PLB1: variants seen among roughly 807,000 people sequenced by gnomAD.
The protein encoded by PLB1 is phospholipase B1, membrane-associated.
Under a neutral mutation model 227.4 loss-of-function variants are expected in PLB1, and 242 were observed. The observed-to-expected ratio is 1.06, with a 90% CI of 0.96 to 1.18. The LOEUF (loss-of-function observed/expected upper bound fraction) is 1.18, where lower values mean the gene tolerates loss of function less well. Among genes scored for constraint, PLB1 ranks in the 50% most tolerant of loss-of-function variants. The probability of loss-of-function intolerance (pLI) is 0.00; values close to 1 mark genes in which losing one functional copy is unlikely to be tolerated. For synonymous variants in PLB1, 757 were observed against 682.2 expected (o/e 1.11, Z -1.71); for missense variants, 1,858 against 1,816.3 (o/e 1.02, Z -0.42).
intron 44 of PLB1, among the ~76,000 whole-genome samples, chr2:28,617,504 G>A (rs754415049): frequency 6.6e-6 from 1 of 152,208 alleles, no homozygotes; most frequent in Non-Finnish European, 1.5e-5. Context: ...GTGGAGACAT[G>A]CACTATGGGT....
intron 26 of PLB1, 33 bp from the exon 27 acceptor site, chr2:28,589,417 C>A: frequency 6.5e-7 from 1 of 1,541,390 alleles, no homozygotes; most frequent in East Asian, 2.2e-5. Context: ...GCAGAGAGGA[C>A]TGCCTGACAT....
chr2:28,510,485 A>G (rs1264927666), intron 1 of PLB1, among the ~76,000 whole-genome samples: 1 of 152,146 alleles, frequency 6.6e-6, no homozygotes, highest in Non-Finnish European at 1.5e-5. Context: ...CCCACTTGGC[A>G]TCCAACCTAT....
At chr2:28,514,022 ATCT>A (rs1180930243) in intron 1 of PLB1, among the ~76,000 whole-genome samples, 2 of 152,236 alleles carry the variant, frequency 1.3e-5, no homozygotes, top group Admixed American at 6.5e-5. Context: ...ACTGGGTTAG[ATCT>A]TCTGCTTATT....
chr2:28,521,733 C>T (rs558126367), intron 4 of PLB1, among the ~76,000 whole-genome samples: 1 of 152,230 alleles, frequency 6.6e-6, no homozygotes. Flanking sequence ...CACAGCCCCT[C>T]TCCTGGTCTT....
At chr2:28,535,449 C>A (rs138414332) in intron 9 of PLB1, among the ~76,000 whole-genome samples, 148 of 152,350 alleles carry the variant, frequency 9.7e-4, no homozygotes, top group African/African-American at 3.5e-3. Context: ...CTGGTGTTGC[C>A]CTTCTCACAG....
chr2:28,540,340 C>T (rs372009757), intron 11 of PLB1, 26 bp from the exon 12 acceptor site: 15 of 1,606,218 alleles, frequency 9.3e-6, no homozygotes, highest in African/African-American at 1.3e-5. Context: ...TCCCCTCTCT[C>T]ATTCCTGGTG....
intron 1 of PLB1, among the ~76,000 whole-genome samples, chr2:28,501,908 C>A (rs1303600281): frequency 2.6e-5 from 4 of 152,144 alleles, no homozygotes; most frequent in African/African-American, 9.7e-5. Context: ...ATTACAAATA[C>A]TACTGTCATG....
intron 14 of PLB1, among the ~76,000 whole-genome samples, chr2:28,544,348 G>A (rs1489571454): frequency 1.3e-5 from 2 of 152,230 alleles, no homozygotes; most frequent in Non-Finnish European, 2.9e-5. Flanking sequence ...CTCCAGCAGG[G>A]ACTGCTCTCC....
intron 44 of PLB1, among the ~76,000 whole-genome samples, chr2:28,614,367 C>G (rs992877393): frequency 6.6e-6 from 1 of 152,146 alleles, no homozygotes; most frequent in African/African-American, 2.4e-5. Flanking sequence ...GGCTCACAGA[C>G]GTGGTTACTG....
intron 21 of PLB1, among the ~76,000 whole-genome samples, chr2:28,577,580 C>T (rs929880648): frequency 3.3e-5 from 5 of 152,194 alleles, no homozygotes; most frequent in East Asian, 1.9e-4. Context: ...CGGTGGCTCA[C>T]GCCTGTAATC....
At chr2:28,516,376 C>T (rs1668852984) in intron 1 of PLB1, among the ~76,000 whole-genome samples, 1 of 152,162 alleles carries the variant, frequency 6.6e-6, no homozygotes, top group Non-Finnish European at 1.5e-5. Flanking sequence ...TAGCTCTTCT[C>T]CTAAGATCAC....
At chr2:28,523,547 G>A (rs72792947) in intron 4 of PLB1, among the ~76,000 whole-genome samples, 17,256 of 151,922 alleles carry the variant, frequency 0.11, 1,258 homozygotes, top group East Asian at 0.35. Context: ...CGATGGGGAC[G>A]TGGAGTTTGC....
intron 4 of PLB1, among the ~76,000 whole-genome samples, chr2:28,524,844 CTT>C (rs779955635): frequency 3.8e-4 from 40 of 106,584 alleles, no homozygotes; most frequent in African/African-American, 1.1e-3. Context: ...CTCTCTCTCT[CTT>C]TTTTTTTTTT....
At chr2:28,582,297 A>G (rs1220272816) in intron 24 of PLB1, 108 bp from the exon 25 acceptor site, 1 of 1,184,376 alleles carries the variant, frequency 8.4e-7, no homozygotes, top group Non-Finnish European at 1.2e-6. Flanking sequence ...GGATGGGGGC[A>G]GATGGAAGTC....
chr2:28,503,677 G>A (rs1396007891), intron 1 of PLB1, among the ~76,000 whole-genome samples: 3 of 152,202 alleles, frequency 2.0e-5, no homozygotes, highest in Non-Finnish European at 4.4e-5. Context: ...GGACCTGGGT[G>A]TCTTCGTGTT....
chr2:28,581,486 A>T lies in PLB1; in HGVS notation c.1567-582A>T, dbSNP rs555055221. Among the ~76,000 whole-genome samples the T allele has an allele frequency of 8.7e-3, 964 of 111,190 alleles. 33 individuals are homozygous for T. The highest frequency in any genetic ancestry group is 0.037 in the African/African-American group (891 of 24,064). The allele number at this position is 111,190 out of a possible 152,430, so 72.9% of individuals were successfully genotyped here. A position where few individuals can be genotyped will look rare whatever the true frequency, so the allele number is the denominator to read the frequency against. ...GAGTAGATCCAGAGCTCCACGCAAA[A>T]AAATAAATAAATAAATAAATAAATA... On this transcript the variant is annotated intron_variant, in intron 23 of 57. Coordinates refer to ENST00000327757, the MANE Select transcript of PLB1 (RefSeq NM_153021.5).
chr2:28,524,203 TCAC>T (rs1313570744), intron 4 of PLB1, among the ~76,000 whole-genome samples: 1 of 152,118 alleles, frequency 6.6e-6, no homozygotes, highest in Middle Eastern at 3.2e-3. Context: ...TGTCTGCCTG[TCAC>T]CACCACACCT....
At chr2:28,584,475 G>A (rs10171857) in intron 25 of PLB1, among the ~76,000 whole-genome samples, 30,695 of 152,118 alleles carry the variant, frequency 0.2, 3,230 homozygotes, top group East Asian at 0.28. Flanking sequence ...ACAGGGGATC[G>A]GTGTCTTCAC....
At chr2:28,533,493 C>G (rs771383484) in intron 9 of PLB1, among the ~76,000 whole-genome samples, 5 of 152,222 alleles carry the variant, frequency 3.3e-5, no homozygotes, top group Admixed American at 1.3e-4. Context: ...GTGCATTGCT[C>G]TCTGTACTCA....
Sources: gnomAD v4.1 joint callset for allele counts (sites outside exome capture counted in the v4.1 genomes callset) on GRCh38, gnomAD v4.1.1 for gene constraint, MANE v1.5 for transcripts, NCBI Gene and HGNC (gene_info 2026-07-23, HGNC 2026-07-21) for gene names.